WWC1: variants seen among roughly 807,000 people sequenced by gnomAD.
WWC1 encodes protein KIBRA.
A neutral mutation model predicts 138.4 loss-of-function variants in WWC1; 55 were observed. The observed-to-expected ratio is 0.40, with a 90% CI of 0.32 to 0.50. The LOEUF (loss-of-function observed/expected upper bound fraction) is 0.50. Among genes scored for constraint, WWC1 ranks in the 20% least tolerant of loss-of-function variants. WWC1 has a pLI of 0.72. For missense variants in WWC1, 1,226 were observed against 1,420.4 expected, an observed-to-expected ratio of 0.86 and a Z score of 2.20; for synonymous variants, 524 against 564.9, an observed-to-expected ratio of 0.93 and a Z score of 1.03.
rs116293225 is a variant in WWC1, at chr5:168,315,568, C to G, written c.119+23297C>G. ...TGTGTAGGGGCCCACTGTGTTTTCT[C>G]CTAATATGAATCTACCACAAAGTAG... is the stretch of plus-strand genomic sequence containing the variant. On this transcript the variant is annotated intron_variant, in intron 1 of 22. Coordinates refer to ENST00000265293, the MANE Select transcript of WWC1 (RefSeq NM_015238.3). Among the ~76,000 whole-genome samples, 633 of 152,120 alleles carry G rather than the reference C, an allele frequency of 4.2e-3. 3 individuals are homozygous for G. The highest frequency in any genetic ancestry group is 6.4e-3 in the Non-Finnish European group (433 of 68,016).
intron 3 of WWC1, among the ~76,000 whole-genome samples, chr5:168,389,667 C>CGAA (rs1778340424): frequency 6.8e-6 from 1 of 147,778 alleles, no homozygotes; most frequent in African/African-American, 2.5e-5. Context: ...AATCTATGAC[C>CGAA]TGAGATTAAG....
chr5:168,414,305 T>A (rs774619591), intron 8 of WWC1, 43 bp from the exon 9 acceptor site: 10 of 1,602,914 alleles, frequency 6.2e-6, no homozygotes, highest in Non-Finnish European at 6.8e-6. Context: ...GTTCCCTCAG[T>A]GCCATTAGGC....
At chr5:168,372,978 AC>A (rs1406733597) in intron 2 of WWC1, among the ~76,000 whole-genome samples, 1 of 152,268 alleles carries the variant, frequency 6.6e-6, no homozygotes, top group African/African-American at 2.4e-5. Flanking sequence ...TGTTGTTGGC[AC>A]CAAAGTGTAG....
intron 15 of WWC1, among the ~76,000 whole-genome samples, chr5:168,436,636 T>A (rs1411972539): frequency 1.3e-5 from 2 of 152,218 alleles, no homozygotes; most frequent in African/African-American, 4.8e-5. Context: ...GTGTCTCCGC[T>A]GTCTCAGCCG....
At chr5:168,468,884 T>C in intron 22 of WWC1, 67 bp from the exon 23 acceptor site, 2 of 1,556,272 alleles carry the variant, frequency 1.3e-6, no homozygotes, top group East Asian at 2.3e-5. Flanking sequence ...CAAAGAATTA[T>C]CCTGCCCAGA....
rs139606423 is a variant in WWC1 at position 168,460,731 on chromosome 5, C to T, written c.2905C>T (p.Arg969Trp). ...AAACTCCCTGGAGCGACGCAGCGTC[C>T]GGATGAAGCGGGTAAGAGAGTCACC... Reference protein sequence around the residue: ...VRNSLERRSVRMKRPSSVKSL... With the variant: ...VRNSLERRSVWMKRPSSVKSL... Residue 969 changes from arginine (R) to tryptophan (W), a missense_variant, in exon 20 of 23, where the codon CGG becomes TGG. By Grantham distance (101) the Arg-to-Trp change is moderately radical (BLOSUM62 -3). Around this residue, in one of 3 missense-constraint regions of WWC1, gnomAD observed 206 missense variants for 247.4 expected, o/e 0.83. Coordinates refer to ENST00000265293, the MANE Select transcript of WWC1 (RefSeq NM_015238.3). 54 of 1,614,006 alleles carry T rather than the reference C, an allele frequency of 3.3e-5. No individual in the cohort carries two copies. The highest frequency in any genetic ancestry group is 5.3e-5 in the African/African-American group (4 of 74,932).
chr5:168,442,221 A>G (rs1369508060), intron 16 of WWC1, among the ~76,000 whole-genome samples: 1 of 152,206 alleles, frequency 6.6e-6, no homozygotes, highest in African/African-American at 2.4e-5. Context: ...AGAGGCAGCT[A>G]GAAATCATGG....
chr5:168,387,589 G>T (rs74898159), intron 3 of WWC1, among the ~76,000 whole-genome samples: 1 of 152,138 alleles, frequency 6.6e-6, no homozygotes, highest in African/African-American at 2.4e-5. Context: ...GAGCCTGGAC[G>T]TCTGAGATTC....
At chr5:168,315,300 C>T (rs1771483037) in intron 1 of WWC1, among the ~76,000 whole-genome samples, 1 of 152,022 alleles carries the variant, frequency 6.6e-6, no homozygotes, top group Non-Finnish European at 1.5e-5. Flanking sequence ...CCTAAGCCTA[C>T]TGAATCAGAA....
chr5:168,412,815 A>G (rs573501748), intron 8 of WWC1, among the ~76,000 whole-genome samples: 1 of 152,336 alleles, frequency 6.6e-6, no homozygotes, highest in South Asian at 2.1e-4. Context: ...TAAGTAATCT[A>G]GAGATGATTT....
At chr5:168,312,260 A>T (rs1332146961) in intron 1 of WWC1, among the ~76,000 whole-genome samples, 1 of 152,180 alleles carries the variant, frequency 6.6e-6, no homozygotes, top group African/African-American at 2.4e-5. Flanking sequence ...ATTGAGTGCA[A>T]AGCACAGTTC....
intron 3 of WWC1, 102 bp downstream of exon 3, chr5:168,385,516 C>T: frequency 1.6e-6 from 2 of 1,219,724 alleles, no homozygotes; most frequent in Non-Finnish European, 1.1e-6. Flanking sequence ...TTCTCTTCAC[C>T]TCTACTCTTT....
chr5:168,437,483 A>T (rs1423694543), intron 15 of WWC1, among the ~76,000 whole-genome samples: 1 of 152,216 alleles, frequency 6.6e-6, no homozygotes, highest in South Asian at 2.1e-4. Context: ...GATGAAACAC[A>T]GTGTGGAGTT....
intron 2 of WWC1, among the ~76,000 whole-genome samples, chr5:168,384,414 A>G (rs1777880718): frequency 6.6e-6 from 1 of 152,220 alleles, no homozygotes; most frequent in African/African-American, 2.4e-5. Context: ...ATGAATTACT[A>G]TAGGGAGAAT....
At chr5:168,326,259 C>G (rs1772535481) in intron 1 of WWC1, among the ~76,000 whole-genome samples, 1 of 139,668 alleles carries the variant, frequency 7.2e-6, no homozygotes, top group South Asian at 2.2e-4. Context: ...CTCTTGTTGC[C>G]CAGACTGGAG....
At chr5:168,443,674 C>T (rs1754988257) in intron 16 of WWC1, among the ~76,000 whole-genome samples, 1 of 152,164 alleles carries the variant, frequency 6.6e-6, no homozygotes, top group Admixed American at 6.5e-5. Flanking sequence ...ACACATAAAC[C>T]ATCTTTCACA....
intron 11 of WWC1, among the ~76,000 whole-genome samples, chr5:168,427,274 G>C (rs913773143): frequency 1.3e-5 from 2 of 152,182 alleles, no homozygotes; most frequent in African/African-American, 4.8e-5. Flanking sequence ...GTTTTGCAGA[G>C]CACTTTGCCT....
intron 6 of WWC1, among the ~76,000 whole-genome samples, chr5:168,408,056 G>A (rs1779940202): frequency 7.3e-6 from 1 of 136,932 alleles, no homozygotes; most frequent in Non-Finnish European, 1.6e-5. Flanking sequence ...TTTTAGAGAT[G>A]GGAGTCCCAC....
chr5:168,397,346 T>C (rs894561011), intron 3 of WWC1, among the ~76,000 whole-genome samples: 3 of 152,198 alleles, frequency 2.0e-5, no homozygotes, highest in African/African-American at 7.2e-5. Context: ...TTTCCCCATG[T>C]TGGCCAGGCT....
Sources: gnomAD v4.1 joint callset for allele counts (sites outside exome capture counted in the v4.1 genomes callset) on GRCh38, gnomAD v4.1.1 for gene constraint, gnomAD v4.1.1 regional missense constraint, MANE v1.5 for transcripts, NCBI Gene and HGNC (gene_info 2026-07-23, HGNC 2026-07-21) for gene names.